LAMA2: variants seen among roughly 807,000 people sequenced by gnomAD.
The protein encoded by LAMA2 is laminin subunit alpha-2.
LAMA2 carries 269 observed loss-of-function variants against 364.8 expected under a neutral mutation model. That is an observed-to-expected ratio of 0.74 (90% CI 0.67 to 0.82). The LOEUF is 0.82. Among genes scored for constraint, LAMA2 ranks in the 40% least tolerant of loss-of-function variants. The pLI is 0.00. For synonymous variants in LAMA2, 1,379 were observed against 1,370.6 expected (o/e 1.01, Z -0.14); for missense variants, 3,807 against 3,873.2 (o/e 0.98, Z 0.45).
chr6:128,985,176 T>A (rs1235045228), intron 1 of LAMA2, among the ~76,000 whole-genome samples: 5 of 152,092 alleles, frequency 3.3e-5, no homozygotes, highest in Non-Finnish European at 5.9e-5. Context: ...GAAAAGTGGG[T>A]CAGATGGTTG....
chr6:129,370,205 C>A (rs923719273), intron 34 of LAMA2, among the ~76,000 whole-genome samples: 1 of 152,176 alleles, frequency 6.6e-6, no homozygotes, highest in Non-Finnish European at 1.5e-5. Context: ...TTGTCAATGG[C>A]TAAAAAGTCC....
chr6:128,926,790 T>C (rs551179589), intron 1 of LAMA2, among the ~76,000 whole-genome samples: 2 of 152,356 alleles, frequency 1.3e-5, no homozygotes, highest in Non-Finnish European at 2.9e-5. Flanking sequence ...TCTAATGTAG[T>C]GTTAAAGCTC....
intron 12 of LAMA2, among the ~76,000 whole-genome samples, chr6:129,196,062 T>C (rs1353772197): frequency 6.6e-6 from 1 of 152,206 alleles, no homozygotes; most frequent in Non-Finnish European, 1.5e-5. Flanking sequence ...ATTAAATTAA[T>C]CTTATGTGAT....
intron 1 of LAMA2, among the ~76,000 whole-genome samples, chr6:128,970,746 A>T (rs943743788): frequency 2.6e-5 from 4 of 152,192 alleles, no homozygotes; most frequent in Non-Finnish European, 4.4e-5. Context: ...TTTGTGATAG[A>T]ATTACCATCA....
rs374127279 is a variant in LAMA2, at chr6:129,210,003, C to CAAA, written c.1782+17170_1782+17172dup. Among the ~76,000 whole-genome samples the CAAA allele has an allele frequency of 3.0e-3, 206 of 67,652 alleles. 6 individuals are homozygous for CAAA. The highest frequency in any genetic ancestry group is 7.4e-3 in the African/African-American group (154 of 20,674). 44.4% of individuals were successfully genotyped at this position (67,652 alleles called of 152,430 possible). A position where few individuals can be genotyped will look rare whatever the true frequency, so the allele number is the denominator to read the frequency against. On this transcript the variant is annotated intron_variant, in intron 12 of 64. Transcript: ENST00000421865. ...CGGGCGACAGAGCGAGACTCCATCT[C>CAAA]AAAAAAAAAAAAAAAAAAAAAATTT...
chr6:128,910,846 C>T lies in LAMA2; in HGVS notation c.112+27489C>T, dbSNP rs527727355. Among the ~76,000 whole-genome samples, 5 of 150,868 alleles carry T rather than the reference C, an allele frequency of 3.3e-5. No individual in the cohort carries two copies. The East Asian group carries it at 9.7e-4, about 29-fold the overall frequency. On this transcript the variant is annotated intron_variant, in intron 1 of 64. Transcript: ENST00000421865. ...GATGTCCTTTCTGTTTATTAGTTTT[C>T]CTTCTAACAGACAGGACCCTCAACT...
chr6:129,454,944 AG>A (rs1240447647), intron 47 of LAMA2, among the ~76,000 whole-genome samples: 1 of 152,188 alleles, frequency 6.6e-6, no homozygotes, highest in African/African-American at 2.4e-5. Context: ...GGTATGGTTA[AG>A]GGCCTAGGGC....
intron 51 of LAMA2, among the ~76,000 whole-genome samples, chr6:129,469,867 T>A (rs1229104035): frequency 6.6e-6 from 1 of 151,794 alleles, no homozygotes; most frequent in Non-Finnish European, 1.5e-5. Context: ...AAAAAATACA[T>A]TTGTATAAAA....
At chr6:129,098,848 A>C (rs150756360) in intron 4 of LAMA2, among the ~76,000 whole-genome samples, 9 of 152,284 alleles carry the variant, frequency 5.9e-5, no homozygotes, top group Non-Finnish European at 1.2e-4. Flanking sequence ...AATTCTTTCA[A>C]TCTTTTGATG....
intron 4 of LAMA2, among the ~76,000 whole-genome samples, chr6:129,143,276 A>G (rs976336228): frequency 1.3e-5 from 2 of 151,960 alleles, no homozygotes; most frequent in East Asian, 1.9e-4. Context: ...TTCATAGGGT[A>G]TGTTACATTC....
rs1360841816 is a variant in LAMA2 at position 129,237,876 on chromosome 6, G to A, written c.1783-12236G>A. Among the ~76,000 whole-genome samples, 4 of 151,858 alleles carry A rather than the reference G, an allele frequency of 2.6e-5. No homozygotes were observed. In the East Asian group the frequency reaches 7.8e-4, roughly 29 times the overall value. ...TCCAATGGGTGAAAAATGACATTTTGGGCTGGGTGTGGTGGCTCACGCCTG... is the reference window on the plus strand; with the variant it reads ...TCCAATGGGTGAAAAATGACATTTTAGGCTGGGTGTGGTGGCTCACGCCTG... On this transcript the variant is annotated intron_variant, in intron 12 of 64. Transcript: ENST00000421865.
chr6:129,327,730 A>T (rs1338906038), intron 28 of LAMA2, among the ~76,000 whole-genome samples: 1 of 152,234 alleles, frequency 6.6e-6, no homozygotes, highest in Non-Finnish European at 1.5e-5. Context: ...AAAAAATTAT[A>T]TCAGGGAAAG....
At position 129,473,245 on chromosome 6, in the gene LAMA2, T is replaced by C. The variant is rs1295850461; in HGVS notation, c.7332T>C (p.Asn2444=). The C allele has an allele frequency of 6.2e-7, 1 of 1,603,562 alleles. No individual in the cohort carries two copies. The highest frequency in any genetic ancestry group is 1.3e-5 in the African/African-American group (1 of 74,646). The part of the protein sequence containing the change: ...ANISIVDIDT[N]QEENIATSSS... The stretch of plus-strand genomic sequence containing the variant: ...TATCAATTGTAGATATAGATACTAA[T>C]CAGGAGGAGAATATAGCAACTTCGT... Residue 2444 remains asparagine (N), a synonymous_variant, in exon 52 of 65, where the codon AAT becomes AAC. Coordinates refer to ENST00000421865, the MANE Select transcript of LAMA2 (RefSeq NM_000426.4).
At chr6:129,448,098 G>A (rs985024683) in intron 45 of LAMA2, among the ~76,000 whole-genome samples, 7 of 152,062 alleles carry the variant, frequency 4.6e-5, no homozygotes, top group Admixed American at 3.3e-4. Context: ...GACCAGCCTG[G>A]GCCATGTCAC....
At chr6:129,191,222 A>G (rs1050370471) in intron 11 of LAMA2, among the ~76,000 whole-genome samples, 5 of 152,236 alleles carry the variant, frequency 3.3e-5, no homozygotes, top group African/African-American at 1.2e-4. Flanking sequence ...TGTGTTTTAT[A>G]AAGACTACTA....
Position 129,320,575 on chromosome 6 carries a change from C to T in LAMA2, c.4096C>T (p.Arg1366Cys), listed in dbSNP as rs779253125. Reference protein sequence around the residue: ...EISMEVAEQGRGTTMTPPADL... With the variant: ...EISMEVAEQGCGTTMTPPADL... ...CTCAATGGAGGTAGCTGAACAAGGA[C>T]GTGGAACAACAATGACTCCTCCAGC... is the stretch of plus-strand genomic sequence containing the variant. Residue 1366 changes from arginine to cysteine, a missense_variant, in exon 28 of 65, where the codon CGT (arginine) becomes TGT (cysteine). Physicochemically the swap from Arg to Cys is radical, Grantham distance 180. Around this residue, in one of 3 missense-constraint regions of LAMA2, gnomAD observed 3,333 missense variants for 3,345.7 expected, o/e 1.00. Coordinates refer to ENST00000421865, the MANE Select transcript of LAMA2 (RefSeq NM_000426.4). 16 of 1,612,920 alleles carry T rather than the reference C, an allele frequency of 9.9e-6. No homozygotes were observed. Among genetic ancestry groups the T allele is most frequent in the South Asian group, 8.8e-5 (8 of 91,054 alleles).
At chr6:129,295,628 A>G (rs1340764378) in intron 20 of LAMA2, among the ~76,000 whole-genome samples, 3 of 152,150 alleles carry the variant, frequency 2.0e-5, no homozygotes, top group African/African-American at 7.2e-5. Context: ...TTCTTCTTGT[A>G]TATTTCCTTA....
At chr6:129,141,557 A>C (rs1312312595) in intron 4 of LAMA2, among the ~76,000 whole-genome samples, 3 of 152,060 alleles carry the variant, frequency 2.0e-5, no homozygotes, top group Non-Finnish European at 4.4e-5. Context: ...TTAGTTTCTC[A>C]TCTCAGAGTT....
chr6:129,020,716 G>A (rs774814281), intron 1 of LAMA2, among the ~76,000 whole-genome samples: 1 of 152,132 alleles, frequency 6.6e-6, no homozygotes, highest in Non-Finnish European at 1.5e-5. Context: ...CCAGGGAAGG[G>A]GTTCATGACA....
Sources: gnomAD v4.1 joint callset for allele counts (sites outside exome capture counted in the v4.1 genomes callset) on GRCh38, gnomAD v4.1.1 for gene constraint, gnomAD v4.1.1 regional missense constraint, MANE v1.5 for transcripts, NCBI Gene and HGNC (gene_info 2026-07-23, HGNC 2026-07-21) for gene names.